The following CASK variants were observed in gnomAD, a reference collection of about 807,000 sequenced individuals.
CASK encodes calcium/calmodulin dependent serine protein kinase.
CASK carries 4 observed loss-of-function variants against 82.9 expected under a neutral mutation model. The ratio of observed to expected loss-of-function variants is 0.05; its 90% confidence interval spans 0.02 to 0.11. The LOEUF (loss-of-function observed/expected upper bound fraction) is 0.11. CASK is among the 10% of genes least tolerant of loss of function. The pLI, the probability that CASK is intolerant of heterozygous loss-of-function variation, is 1.00. For missense variants in CASK, 358 were observed against 720.9 expected (o/e 0.50, Z 5.76); for synonymous variants, 259 against 253.5 (o/e 1.02, Z -0.20).
At chrX:41,756,588 C>G (rs938572380) in intron 3 of CASK, among the ~76,000 whole-genome samples, 2 of 112,273 alleles carry the variant, frequency 1.8e-5, no homozygotes, top group Non-Finnish European at 3.8e-5. Context: ...AGTTCAAAGA[C>G]AGAAGTAACC....
At chrX:41,773,671 C>T (rs1213151635) in intron 3 of CASK, among the ~76,000 whole-genome samples, 1 of 111,947 alleles carries the variant, frequency 8.9e-6, no homozygotes, top group African/African-American at 3.2e-5. Flanking sequence ...GATGGGATAT[C>T]CTACTACACA....
intron 1 of CASK, among the ~76,000 whole-genome samples, chrX:41,854,224 GCA>G (rs4007745): frequency 0.03 from 2,411 of 81,667 alleles, 53 homozygotes; most frequent in East Asian, 0.069. Flanking sequence ...GCGGGCGCGC[GCA>G]CACACACACA....
In CASK at chrX:41,547,438, C is replaced by T. The variant is rs2065038886; in HGVS notation, c.2040-4632G>A. On this transcript the variant is annotated intron_variant, in intron 21 of 26. Coordinates refer to ENST00000378163, the MANE Select transcript of CASK (RefSeq NM_001367721.1). ...TCCCTGTGGTATCTTTAGTATGTCT[C>T]TCTGTCCTTTGTATTTCCTGCAAAT... 2.7e-5 allele frequency among the ~76,000 whole-genome samples: 3 copies of T among 110,884 alleles called. No individual in the cohort carries two copies. The Admixed American group carries it at 2.9e-4, about 11-fold the overall frequency.
At chrX:41,530,966 TG>T in intron 25 of CASK, 40 bp downstream of exon 25, 1 of 1,104,329 alleles carries the variant, frequency 9.1e-7, no homozygotes, top group Non-Finnish European at 1.3e-6. Context: ...CTTATTGGCA[TG>T]CAGGCAGGAT....
chrX:41,700,825 C>A (rs1383817614), intron 5 of CASK, among the ~76,000 whole-genome samples: 2 of 105,157 alleles, frequency 1.9e-5, no homozygotes, highest in Non-Finnish European at 3.9e-5. Context: ...GGTGATCCGC[C>A]CGCCTTTGCC....
intron 14 of CASK, chrX:41,585,037 C>T (rs1423373141): frequency 8.9e-6 from 1 of 112,393 alleles, no homozygotes; most frequent in Non-Finnish European, 1.9e-5. Flanking sequence ...ATTGCCCTGG[C>T]TCATTCACTG....
At chrX:41,908,597 A>C (rs779359334) in intron 1 of CASK, among the ~76,000 whole-genome samples, 1 of 112,094 alleles carries the variant, frequency 8.9e-6, no homozygotes, top group African/African-American at 3.2e-5. Flanking sequence ...ACAGGCTACC[A>C]CCACTACCTA....
intron 5 of CASK, among the ~76,000 whole-genome samples, chrX:41,737,845 AAG>A (rs1226075775): frequency 4.4e-5 from 5 of 112,944 alleles, no homozygotes; most frequent in Non-Finnish European, 7.5e-5. Context: ...AATATATACA[AAG>A]AGATATATTT....
intron 3 of CASK, among the ~76,000 whole-genome samples, chrX:41,746,391 C>T (rs2068688035): frequency 9.0e-6 from 1 of 110,738 alleles, no homozygotes; most frequent in Admixed American, 9.7e-5. Context: ...GGTTTCATTC[C>T]AATCCTACCT....
In CASK at chrX:41,815,064, A is replaced by G. The variant is rs192009740; in HGVS notation, c.173-27781T>C. On this transcript the variant is annotated intron_variant, in intron 2 of 26. Transcript: ENST00000378163. ...AAACAGAGATTATGGTTTGGGGAGG[A>G]TGAGGGAGATGGAATGTTCAGGAGA... 2.7e-4 allele frequency among the ~76,000 whole-genome samples: 30 copies of G among 111,054 alleles called. 1 individual carries two copies. The highest frequency in any genetic ancestry group is 9.4e-5 in the Non-Finnish European group (5 of 52,997).
chrX:41,897,916 T>C (rs2072298897), intron 1 of CASK, among the ~76,000 whole-genome samples: 1 of 112,163 alleles, frequency 8.9e-6, no homozygotes, highest in South Asian at 3.6e-4. Context: ...ATTTTTTTCT[T>C]GTATTTTCTG....
intron 5 of CASK, chrX:41,729,073 C>G (rs772864515): frequency 8.1e-6 from 1 of 123,137 alleles, no homozygotes; most frequent in South Asian, 3.7e-4. Flanking sequence ...ACAAACAGTA[C>G]CTGGCAGTTA....
At chrX:41,552,875 C>G (rs761072070) in intron 21 of CASK, 1 of 111,938 alleles carries the variant, frequency 8.9e-6, no homozygotes, top group African/African-American at 3.2e-5. Context: ...TCTATGGACT[C>G]AATGTCTTTG....
intron 1 of CASK, among the ~76,000 whole-genome samples, chrX:41,883,659 C>T (rs2071992144): frequency 9.0e-6 from 1 of 111,281 alleles, no homozygotes; most frequent in Non-Finnish European, 1.9e-5. Flanking sequence ...CATGGAAACC[C>T]CAAAACTGCC....
At chrX:41,852,018 A>G (rs1489511870) in intron 2 of CASK, among the ~76,000 whole-genome samples, 1 of 111,651 alleles carries the variant, frequency 9.0e-6, no homozygotes, top group Non-Finnish European at 1.9e-5. Flanking sequence ...AAAAGCAATA[A>G]TAGCCAATTC....
chrX:41,532,279 C>A (rs1321370227), intron 24 of CASK, among the ~76,000 whole-genome samples: 1 of 112,205 alleles, frequency 8.9e-6, no homozygotes, highest in Non-Finnish European at 1.9e-5. Context: ...TGGAACACAG[C>A]CATGTGCTTT....
At chrX:41,555,027 C>T (rs2065143559) in intron 20 of CASK, among the ~76,000 whole-genome samples, 2 of 112,543 alleles carry the variant, frequency 1.8e-5, no homozygotes, top group African/African-American at 6.5e-5. Flanking sequence ...AAAATCTATA[C>T]CTCTAAAGTG....
intron 21 of CASK, among the ~76,000 whole-genome samples, chrX:41,544,713 A>C (rs985395118): frequency 2.4e-4 from 25 of 103,986 alleles, no homozygotes; most frequent in African/African-American, 7.4e-4. Flanking sequence ...ACAAAAAAAA[A>C]CAAAAAACAA....
intron 7 of CASK, among the ~76,000 whole-genome samples, chrX:41,663,245 T>C (rs564769273): frequency 6.2e-5 from 7 of 112,183 alleles, no homozygotes; most frequent in Admixed American, 5.7e-4. Context: ...CAGAATCATA[T>C]GACAGTATAC....
Sources: gnomAD v4.1 joint callset for allele counts (sites outside exome capture counted in the v4.1 genomes callset) on GRCh38, gnomAD v4.1.1 for gene constraint, MANE v1.5 for transcripts, NCBI Gene and HGNC (gene_info 2026-07-23, HGNC 2026-07-21) for gene names.